The following CDH7 variants were observed in gnomAD, a reference collection of about 807,000 sequenced individuals.
CDH7 encodes the protein cadherin 7.
A neutral mutation model predicts 71.8 loss-of-function variants in CDH7; 25 were observed. That is an observed-to-expected ratio of 0.35 (90% CI 0.25 to 0.49). The LOEUF is 0.49. Ranked by LOEUF, CDH7 falls within the 20% of genes least tolerant of loss-of-function variation. The pLI, the probability that CDH7 is intolerant of heterozygous loss-of-function variation, is 0.99. For missense variants in CDH7, 862 were observed against 974.6 expected (o/e 0.88, Z 1.54); for synonymous variants, 381 against 363.8 (o/e 1.05, Z -0.54).
At chr18:65,760,509 A>T (rs1444908768) in intron 1 of CDH7, among the ~76,000 whole-genome samples, 1 of 152,200 alleles carries the variant, frequency 6.6e-6, no homozygotes, top group East Asian at 1.9e-4. Flanking sequence ...AGTAGCCTAA[A>T]TGGTATAATT....
At chr18:65,855,089 G>C (rs1331863586) in intron 7 of CDH7, among the ~76,000 whole-genome samples, 1 of 152,014 alleles carries the variant, frequency 6.6e-6, no homozygotes, top group African/African-American at 2.4e-5. Context: ...TTAGCAGGTA[G>C]TTTAGTGAAG....
intron 2 of CDH7, among the ~76,000 whole-genome samples, chr18:65,781,000 G>A (rs924367776): frequency 1.8e-4 from 26 of 142,614 alleles, no homozygotes; most frequent in Non-Finnish European, 3.3e-4. Context: ...CACTAGCTAT[G>A]GTCCCATCTT....
At chr18:65,774,745 A>T (rs1283158772) in intron 2 of CDH7, among the ~76,000 whole-genome samples, 2 of 152,108 alleles carry the variant, frequency 1.3e-5, no homozygotes, top group Non-Finnish European at 2.9e-5. Context: ...AGAGGTCTGG[A>T]TTTGAATGAT....
chr18:65,806,847 T>G (rs577286713), intron 2 of CDH7, among the ~76,000 whole-genome samples: 3 of 152,232 alleles, frequency 2.0e-5, no homozygotes. Context: ...ATTAGTATAA[T>G]GCACAAAGTC....
intron 1 of CDH7, among the ~76,000 whole-genome samples, chr18:65,753,945 C>T (rs1915955731): frequency 6.6e-6 from 1 of 152,088 alleles, no homozygotes; most frequent in African/African-American, 2.4e-5. Context: ...TTATTGAAAC[C>T]TGCTGACTTT....
chr18:65,879,827 T>A (rs1009104667), intron 11 of CDH7, among the ~76,000 whole-genome samples: 1 of 152,298 alleles, frequency 6.6e-6, no homozygotes, highest in East Asian at 1.9e-4. Context: ...TTCAGTATTT[T>A]ATACATGAAA....
intron 2 of CDH7, among the ~76,000 whole-genome samples, chr18:65,787,634 G>A (rs1469992775): frequency 6.6e-6 from 1 of 152,212 alleles, no homozygotes; most frequent in East Asian, 1.9e-4. Flanking sequence ...GGGCTTTCCA[G>A]ATATATAAAG....
At chr18:65,752,443 A>G (rs1296043540) in intron 1 of CDH7, among the ~76,000 whole-genome samples, 1 of 152,242 alleles carries the variant, frequency 6.6e-6, no homozygotes, top group Admixed American at 6.5e-5. Flanking sequence ...GTTATGGGAG[A>G]AAAGAGCTAA....
intron 2 of CDH7, among the ~76,000 whole-genome samples, chr18:65,768,537 A>T (rs1916447476): frequency 6.6e-6 from 1 of 152,126 alleles, no homozygotes; most frequent in Non-Finnish European, 1.5e-5. Flanking sequence ...ATTTATATTG[A>T]GGTTTTAGGT....
chr18:65,869,671 G>A (rs528289454), intron 11 of CDH7, among the ~76,000 whole-genome samples: 138 of 145,532 alleles, frequency 9.5e-4, no homozygotes, highest in Middle Eastern at 4.1e-3. Context: ...CATCTGACAT[G>A]GTCGACTTGT....
At chr18:65,783,748 T>C (rs1910404844) in intron 2 of CDH7, among the ~76,000 whole-genome samples, 1 of 152,104 alleles carries the variant, frequency 6.6e-6, no homozygotes, top group Non-Finnish European at 1.5e-5. Context: ...AAATCCTGAC[T>C]ACAGCTATTT....
At chr18:65,870,547 C>T (rs1441355029) in intron 11 of CDH7, among the ~76,000 whole-genome samples, 2 of 152,076 alleles carry the variant, frequency 1.3e-5, no homozygotes, top group Non-Finnish European at 2.9e-5. Context: ...GCATGTTTGG[C>T]CACCTGCTTA....
intron 6 of CDH7, among the ~76,000 whole-genome samples, chr18:65,842,810 C>T (rs1912782242): frequency 6.7e-6 from 1 of 149,766 alleles, no homozygotes; most frequent in Non-Finnish European, 1.5e-5. Context: ...ATACTGACAA[C>T]TAAGTCAAGT....
chr18:65,801,633 C>A (rs1441676868), intron 2 of CDH7, among the ~76,000 whole-genome samples: 1 of 152,188 alleles, frequency 6.6e-6, no homozygotes, highest in East Asian at 1.9e-4. Context: ...TCTTGGCTAG[C>A]TCCTTTTCAG....
chr18:65,825,173 A>G (rs1322111037), intron 6 of CDH7, among the ~76,000 whole-genome samples: 1 of 151,970 alleles, frequency 6.6e-6, no homozygotes, highest in Non-Finnish European at 1.5e-5. Context: ...AAATTCAACC[A>G]AAAGCCTGTG....
At chr18:65,867,243 G>A (rs1477001959) in intron 11 of CDH7, among the ~76,000 whole-genome samples, 3 of 152,010 alleles carry the variant, frequency 2.0e-5, no homozygotes, top group Admixed American at 2.0e-4. Context: ...CACTGTGTTA[G>A]CCAGGATGGT....
chr18:65,862,859 T>G lies in CDH7; in HGVS notation c.1806T>G (p.Pro602=). The G allele has an allele frequency of 6.2e-7, 1 of 1,614,122 alleles. No homozygotes were observed. Among genetic ancestry groups the G allele is most frequent in the Non-Finnish European group, 8.5e-7 (1 of 1,179,952 alleles). Residue 602 remains proline, a synonymous_variant, in exon 11 of 12, where the codon CCT becomes CCG. Transcript: ENST00000397968. ...GCAATGCAGAGGCCTATGTCCTACC[T>G]GCTGGCCTCAGTACAGGAGCCCTGA... The part of the protein sequence containing the change: ...QTCNAEAYVL[P]AGLSTGALIA...
intron 8 of CDH7, 33 bp from the exon 9 acceptor site, chr18:65,858,892 G>C: frequency 6.3e-7 from 1 of 1,598,972 alleles, no homozygotes; most frequent in East Asian, 2.2e-5. Flanking sequence ...GATGGGCAAA[G>C]AGTAAATGAT....
At chr18:65,781,495 T>C (rs1910184021) in intron 2 of CDH7, among the ~76,000 whole-genome samples, 1 of 152,204 alleles carries the variant, frequency 6.6e-6, no homozygotes, top group African/African-American at 2.4e-5. Context: ...ATATTTTGTA[T>C]ACTTGAATGT....
Sources: gnomAD v4.1 joint callset for allele counts (sites outside exome capture counted in the v4.1 genomes callset) on GRCh38, gnomAD v4.1.1 for gene constraint, MANE v1.5 for transcripts, NCBI Gene and HGNC (gene_info 2026-07-23, HGNC 2026-07-21) for gene names.